Variants in PKD2 observed in about 807,000 individuals in gnomAD.
The protein encoded by PKD2 is polycystin-2.
In PKD2, 48 loss-of-function variants were observed where a neutral mutation model predicts 105.9. That is an observed-to-expected ratio of 0.45 (90% confidence interval 0.36 to 0.58). The LOEUF (loss-of-function observed/expected upper bound fraction) is 0.58. PKD2 is among the 20% of genes least tolerant of loss of function. The pLI is 0.00. For missense variants in PKD2, 1,078 were observed against 1,255.3 expected (o/e 0.86, Z 2.13); for synonymous variants, 464 against 481.1 (o/e 0.96, Z 0.46).
At chr4:88,058,416 C>T (rs1042013545) in intron 9 of PKD2, among the ~76,000 whole-genome samples, 1 of 152,048 alleles carries the variant, frequency 6.6e-6, no homozygotes, top group African/African-American at 2.4e-5. Flanking sequence ...GAAATTAGAT[C>T]AAGTACAAAT....
chr4:88,036,037 C>A (rs1727318778), intron 2 of PKD2, 183 bp from the exon 3 acceptor site: 2 of 854,468 alleles, frequency 2.3e-6, no homozygotes, highest in South Asian at 1.5e-5. Context: ...CTTTTATAAG[C>A]CAGAGATATA....
At chr4:88,056,987 T>TTTCTGTTTTG (rs1720369920) in intron 8 of PKD2, among the ~76,000 whole-genome samples, 2 of 151,866 alleles carry the variant, frequency 1.3e-5, no homozygotes, top group Non-Finnish European at 1.5e-5. Context: ...GTTTTGTTTT[T>TTTCTGTTTTG]TTTTGTTTTG....
At chr4:88,059,019 A>G (rs1720462857) in intron 9 of PKD2, among the ~76,000 whole-genome samples, 1 of 152,210 alleles carries the variant, frequency 6.6e-6, no homozygotes, top group Non-Finnish European at 1.5e-5. Flanking sequence ...GAGGAAGGTT[A>G]AGTGATCACA....
At chr4:88,009,923 A>G (rs1236495603) in intron 1 of PKD2, among the ~76,000 whole-genome samples, 1 of 152,196 alleles carries the variant, frequency 6.6e-6, no homozygotes, top group African/African-American at 2.4e-5. Context: ...AATAAACTCA[A>G]TAACAGAATA....
At chr4:88,048,696 G>A (rs968323843) in intron 6 of PKD2, among the ~76,000 whole-genome samples, 2 of 152,066 alleles carry the variant, frequency 1.3e-5, no homozygotes, top group Admixed American at 6.6e-5. Flanking sequence ...CCATCAGACC[G>A]TGATGCAGTT....
intron 4 of PKD2, among the ~76,000 whole-genome samples, chr4:88,042,376 A>G (rs1727598432): frequency 6.6e-6 from 1 of 152,210 alleles, no homozygotes; most frequent in South Asian, 2.1e-4. Context: ...CCAGCATGGG[A>G]AAGACCTGCC....
At chr4:88,060,516 G>C (rs571141900) in intron 9 of PKD2, among the ~76,000 whole-genome samples, 1 of 151,800 alleles carries the variant, frequency 6.6e-6, no homozygotes, top group African/African-American at 2.4e-5. Context: ...CTATGAGGTA[G>C]TATGTTAGAT....
intron 4 of PKD2, among the ~76,000 whole-genome samples, chr4:88,040,089 C>CA (rs1276386509): frequency 6.6e-6 from 1 of 152,134 alleles, no homozygotes; most frequent in African/African-American, 2.4e-5. Context: ...TCTGCCTTCA[C>CA]AAAACAACTC....
At chr4:88,074,530 T>G (rs541461330) in intron 13 of PKD2, among the ~76,000 whole-genome samples, 14 of 152,144 alleles carry the variant, frequency 9.2e-5, no homozygotes, top group Non-Finnish European at 1.6e-4. Context: ...TATATAAAAT[T>G]TTCCTTTAGA....
chr4:88,057,111 T>G (rs1271102777), intron 8 of PKD2, among the ~76,000 whole-genome samples: 10 of 152,126 alleles, frequency 6.6e-5, no homozygotes, highest in Non-Finnish European at 1.5e-5. Context: ...TGCCTCAGCC[T>G]GCTGAGTAGC....
chr4:88,067,808 G>A (rs1720851230), intron 12 of PKD2, 90 bp from the exon 13 acceptor site: 4 of 1,046,838 alleles, frequency 3.8e-6, no homozygotes, highest in East Asian at 2.5e-5. Context: ...TAAATGGCAT[G>A]CACCCAGTTC....
chr4:88,012,772 C>T (rs139201649), intron 1 of PKD2, among the ~76,000 whole-genome samples: 1 of 152,102 alleles, frequency 6.6e-6, no homozygotes, highest in African/African-American at 2.4e-5. Flanking sequence ...CATTCTACTT[C>T]CCCTTTCTGT....
chr4:88,028,558 G>T (rs1265148318), intron 2 of PKD2, among the ~76,000 whole-genome samples: 1 of 152,210 alleles, frequency 6.6e-6, no homozygotes, highest in Non-Finnish European at 1.5e-5. Context: ...ATGTATAAAT[G>T]TACTTTAAAT....
chr4:88,029,551 T>G (rs1339195927), intron 2 of PKD2, among the ~76,000 whole-genome samples: 1 of 152,216 alleles, frequency 6.6e-6, no homozygotes, highest in Non-Finnish European at 1.5e-5. Context: ...CCCAGTCTTC[T>G]GTGATCATTC....
chr4:88,054,799 C>T (rs953217709), intron 7 of PKD2, among the ~76,000 whole-genome samples: 6 of 151,796 alleles, frequency 4.0e-5, no homozygotes, highest in Admixed American at 1.3e-4. Flanking sequence ...GGACTACAGG[C>T]GGCTGCCACC....
intron 3 of PKD2, among the ~76,000 whole-genome samples, chr4:88,036,879 C>A (rs1727352622): frequency 6.6e-6 from 1 of 152,184 alleles, no homozygotes; most frequent in South Asian, 2.1e-4. Flanking sequence ...TTGATGATGG[C>A]ATGTATCCCC....
At position 88,074,957 on chromosome 4, in the gene PKD2, G is replaced by T; in HGVS notation, c.2668G>T (p.Glu890Ter). Residue 890 changes from glutamate to a stop codon, truncating the protein, a stop_gained and splice_region_variant, in exon 14 of 15, where the codon GAG becomes TAG. Coordinates refer to ENST00000237596, the MANE Select transcript of PKD2 (RefSeq NM_000297.4). LOFTEE classifies it high-confidence loss of function. ...GGGAAGGCTGTTGGATGGGGTGGCC[G>T]AGGTCAGTAGTCATGAGCTGAAAAC... ...VLGRLLDGVAEDERLGRDSEI... is the reference protein window; with the variant it reads ...VLGRLLDGVA The T allele has an allele frequency of 6.2e-7, 1 of 1,614,064 alleles. No homozygotes were observed. The highest frequency in any genetic ancestry group is 8.5e-7 in the Non-Finnish European group (1 of 1,179,964).
intron 7 of PKD2, among the ~76,000 whole-genome samples, chr4:88,054,185 C>T (rs1049741110): frequency 1.5e-4 from 23 of 151,544 alleles, no homozygotes; most frequent in Admixed American, 1.2e-3. Context: ...CACCTGACGT[C>T]GGGTTTGAGA....
chr4:88,073,683 G>A (rs934354834), intron 13 of PKD2, among the ~76,000 whole-genome samples: 3 of 152,116 alleles, frequency 2.0e-5, no homozygotes, highest in African/African-American at 7.2e-5. Flanking sequence ...CATGAGCTGG[G>A]GACAGGAGAG....
Sources: allele counts gnomAD v4.1 joint callset (sites outside exome capture counted in the v4.1 genomes callset), GRCh38; gene constraint gnomAD v4.1.1; transcripts MANE v1.5; gene names NCBI Gene and HGNC (gene_info 2026-07-23, HGNC 2026-07-21).